Variants in KCNG2 observed in about 807,000 individuals in gnomAD.
KCNG2 encodes potassium voltage-gated channel modifier subfamily G member 2.
A neutral mutation model predicts 12.3 loss-of-function variants in KCNG2; 7 were observed. The ratio of observed to expected loss-of-function variants is 0.57; its 90% CI spans 0.32 to 1.07. The LOEUF is 1.07. Among genes scored for constraint, KCNG2 ranks in the 50% least tolerant of loss-of-function variants. KCNG2 has a pLI of 0.04. For synonymous variants in KCNG2, 414 were observed against 351.4 expected, an observed-to-expected ratio of 1.18 and a Z score of -1.99; for missense variants, 703 against 726.0, an observed-to-expected ratio of 0.97 and a Z score of 0.36.
At chr18:79,830,172 G>A (rs1205924874) in intron 1 of KCNG2, among the ~76,000 whole-genome samples, 1 of 152,204 alleles carries the variant, frequency 6.6e-6, no homozygotes, top group Non-Finnish European at 1.5e-5. Context: ...TGTGGTTGTG[G>A]ACCTGTTGTG....
At chr18:79,815,292 T>A (rs1041619456) in intron 1 of KCNG2, among the ~76,000 whole-genome samples, 2 of 151,476 alleles carry the variant, frequency 1.3e-5, no homozygotes, top group Non-Finnish European at 2.9e-5. Flanking sequence ...ATAGAAAAAA[T>A]TATCTGGGTG....
intron 3 of KCNG2, among the ~76,000 whole-genome samples, chr18:79,871,198 A>G (rs59183289): frequency 0.36 from 55,184 of 152,050 alleles, 10,310 homozygotes; most frequent in South Asian, 0.53. Context: ...GTCCACCTGC[A>G]CCTGCGTGAG....
At chr18:79,848,815 G>A (rs886734742) in intron 1 of KCNG2, among the ~76,000 whole-genome samples, 1 of 152,302 alleles carries the variant, frequency 6.6e-6, no homozygotes, top group African/African-American at 2.4e-5. Context: ...TCCCGGTGAA[G>A]CCAGACTGCC....
At chr18:79,880,806 C>G (rs1474002832) in intron 3 of KCNG2, among the ~76,000 whole-genome samples, 3 of 152,194 alleles carry the variant, frequency 2.0e-5, no homozygotes. Context: ...TCAAAACCAA[C>G]CCATGTAATT....
chr18:79,854,530 C>CTTTTTTT (rs71163836), intron 1 of KCNG2, among the ~76,000 whole-genome samples: 2 of 135,832 alleles, frequency 1.5e-5, no homozygotes, highest in Non-Finnish European at 3.1e-5. Context: ...CTTTCATTGG[C>CTTTTTTT]TTTTTTTTTT....
intron 1 of KCNG2, among the ~76,000 whole-genome samples, chr18:79,854,487 A>G (rs1305139095): frequency 2.0e-5 from 3 of 151,242 alleles, no homozygotes; most frequent in Admixed American, 2.0e-4. Context: ...TGCCTTCCGT[A>G]AGGCTGGTAA....
At chr18:79,868,912 G>C (rs1211802411) in intron 3 of KCNG2, among the ~76,000 whole-genome samples, 1 of 152,202 alleles carries the variant, frequency 6.6e-6, no homozygotes, top group Non-Finnish European at 1.5e-5. Context: ...CTGTTTGTCA[G>C]GACACGAGTT....
At chr18:79,843,066 C>G (rs1978512324) in intron 1 of KCNG2, among the ~76,000 whole-genome samples, 1 of 152,144 alleles carries the variant, frequency 6.6e-6, no homozygotes, top group South Asian at 2.1e-4. Context: ...TAATAAAATT[C>G]TCAAAAGTCA....
chr18:79,867,490 T>TG (rs35678207), intron 3 of KCNG2, among the ~76,000 whole-genome samples: 3 of 46,892 alleles, frequency 6.4e-5, no homozygotes, highest in African/African-American at 2.1e-4. Context: ...GTGTCGTGTC[T>TG]GGGGGGGGGA....
chr18:79,847,934 AT>A (rs568850694), intron 1 of KCNG2, among the ~76,000 whole-genome samples: 217 of 152,324 alleles, frequency 1.4e-3, no homozygotes, highest in African/African-American at 4.9e-3. Flanking sequence ...TCATTTATGT[AT>A]GTGTATTTAG....
At chr18:79,877,281 G>A (rs1015684517) in intron 3 of KCNG2, among the ~76,000 whole-genome samples, 15 of 152,170 alleles carry the variant, frequency 9.9e-5, no homozygotes, top group Middle Eastern at 3.2e-3. Context: ...GGACAGAGTC[G>A]CTGCTGAGCA....
chr18:79,811,045 T>G (rs1301220807), intron 1 of KCNG2, among the ~76,000 whole-genome samples: 1 of 152,228 alleles, frequency 6.6e-6, no homozygotes, highest in Non-Finnish European at 1.5e-5. Flanking sequence ...AAGACTTGTA[T>G]GCTGAGAACT....
chr18:79,871,935 C>T (rs1979848619), intron 3 of KCNG2, among the ~76,000 whole-genome samples: 1 of 152,026 alleles, frequency 6.6e-6, no homozygotes, highest in Non-Finnish European at 1.5e-5. Context: ...GTCACCAGGG[C>T]CAGCTGCTCT....
chr18:79,823,875 G>A (rs188056003), intron 1 of KCNG2, among the ~76,000 whole-genome samples: 70 of 152,278 alleles, frequency 4.6e-4, no homozygotes, highest in Non-Finnish European at 1.5e-5. Context: ...CCAGGAGCAT[G>A]GCTCGCTTTC....
intron 3 of KCNG2, among the ~76,000 whole-genome samples, chr18:79,885,246 A>T (rs1980478998): frequency 6.6e-6 from 1 of 152,172 alleles, no homozygotes; most frequent in Non-Finnish European, 1.5e-5. Context: ...AAAAAAAGCC[A>T]AACAATCTAG....
chr18:79,860,797 TTTTA>T (rs1317094536), intron 2 of KCNG2, among the ~76,000 whole-genome samples: 1 of 152,216 alleles, frequency 6.6e-6, no homozygotes, highest in East Asian at 1.9e-4. Context: ...TGTGGATGCC[TTTTA>T]TTTCTTTCTC....
At chr18:79,897,199 C>T (rs1321048320) in intron 3 of KCNG2, among the ~76,000 whole-genome samples, 1 of 152,050 alleles carries the variant, frequency 6.6e-6, no homozygotes, top group Non-Finnish European at 1.5e-5. Context: ...TGGGTATTCC[C>T]ATTATGCATA....
At chr18:79,829,674 C>T (rs780129675) in intron 1 of KCNG2, among the ~76,000 whole-genome samples, 1 of 151,980 alleles carries the variant, frequency 6.6e-6, no homozygotes, top group Non-Finnish European at 1.5e-5. Flanking sequence ...TCCCTGTGTC[C>T]GGTGGGCCTC....
At chr18:79,888,273 C>A (rs1183370092) in intron 3 of KCNG2, among the ~76,000 whole-genome samples, 1 of 152,156 alleles carries the variant, frequency 6.6e-6, no homozygotes, top group Non-Finnish European at 1.5e-5. Flanking sequence ...GGGGCTTCCA[C>A]CAGCTGTGCC....
Sources: gnomAD v4.1 joint callset for allele counts (sites outside exome capture counted in the v4.1 genomes callset) on GRCh38, gnomAD v4.1.1 for gene constraint, MANE v1.5 for transcripts, NCBI Gene and HGNC (gene_info 2026-07-23, HGNC 2026-07-21) for gene names.